The following RAB38 variants were observed in gnomAD, a reference collection of about 807,000 sequenced individuals.
RAB38 encodes RAB38, member RAS oncogene family.
Under a neutral mutation model 18.4 loss-of-function variants are expected in RAB38, and 15 were observed. The ratio of observed to expected loss-of-function variants is 0.82; its 90% CI spans 0.55 to 1.26. The LOEUF (loss-of-function observed/expected upper bound fraction) is 1.26. RAB38 is among the 50% of genes most tolerant of loss of function. RAB38 has a pLI of 0.00. For synonymous variants in RAB38, 101 were observed against 104.4 expected (o/e 0.97, Z 0.20); for missense variants, 294 against 267.4 (o/e 1.10, Z -0.69).
the RAB38 span, among the ~76,000 whole-genome samples, chr11:87,964,475 A>C: frequency 1.3e-5 from 2 of 152,136 alleles, no homozygotes; most frequent in African/African-American, 4.8e-5. Context: ...GGCCAGAACA[A>C]GTCACAGAGC....
At chr11:88,052,671 A>G in the RAB38 span, among the ~76,000 whole-genome samples, 13 of 151,812 alleles carry the variant, frequency 8.6e-5, no homozygotes, top group South Asian at 6.2e-4. Flanking sequence ...TCAATGCTAC[A>G]TTAATGACTA....
chr11:87,811,253 C>A, the RAB38 span, among the ~76,000 whole-genome samples: 1 of 152,128 alleles, frequency 6.6e-6, no homozygotes, highest in Non-Finnish European at 1.5e-5. Context: ...AGAGCACATG[C>A]CCAGGAATTT....
At chr11:87,895,264 G>C in the RAB38 span, among the ~76,000 whole-genome samples, 2 of 151,534 alleles carry the variant, frequency 1.3e-5, no homozygotes, top group African/African-American at 4.8e-5. Context: ...CAGCACAGAT[G>C]ATGGGGAAAA....
the RAB38 span, among the ~76,000 whole-genome samples, chr11:88,047,773 C>G: frequency 2.0e-5 from 3 of 152,308 alleles, no homozygotes; most frequent in African/African-American, 7.2e-5. Flanking sequence ...AAAAAAGCAG[C>G]TAGTGTTCCA....
At chr11:88,101,204 A>G in the RAB38 span, among the ~76,000 whole-genome samples, 1 of 152,026 alleles carries the variant, frequency 6.6e-6, no homozygotes, top group African/African-American at 2.4e-5. Flanking sequence ...ATTTTTAAAC[A>G]TCAATGACGG....
the RAB38 span, among the ~76,000 whole-genome samples, chr11:87,935,118 TAGA>T: frequency 6.7e-6 from 1 of 148,346 alleles, no homozygotes; most frequent in Admixed American, 6.7e-5. Flanking sequence ...AAAGCTGTTC[TAGA>T]AGATTTGGAG....
the RAB38 span, among the ~76,000 whole-genome samples, chr11:88,057,908 G>A: frequency 2.0e-5 from 3 of 152,016 alleles, no homozygotes; most frequent in African/African-American, 4.8e-5. Flanking sequence ...GGGGGTTAGG[G>A]AATTCCTTGG....
the RAB38 span, among the ~76,000 whole-genome samples, chr11:87,970,336 C>G: frequency 6.6e-6 from 1 of 152,210 alleles, no homozygotes; most frequent in South Asian, 2.1e-4. Context: ...TCACCTCCCC[C>G]CAATCTTAGC....
the RAB38 span, among the ~76,000 whole-genome samples, chr11:87,941,700 T>C: frequency 1.2e-4 from 18 of 152,136 alleles, no homozygotes; most frequent in Non-Finnish European, 4.4e-5. Context: ...AGGTATGAGA[T>C]TAACAGGGAA....
intron 2 of RAB38, among the ~76,000 whole-genome samples, chr11:88,121,630 T>C (rs1026338893): frequency 2.6e-5 from 4 of 152,074 alleles, no homozygotes; most frequent in African/African-American, 9.7e-5. Flanking sequence ...TGGCACAATC[T>C]TGGCTCACTG....
the RAB38 span, among the ~76,000 whole-genome samples, chr11:87,912,154 G>A: frequency 1.0e-2 from 1,519 of 152,054 alleles, 28 homozygotes; most frequent in African/African-American, 0.033. Context: ...ATAGTGGTCT[G>A]TAATTTTCAT....
the RAB38 span, among the ~76,000 whole-genome samples, chr11:87,928,118 G>A: frequency 0.022 from 3,365 of 151,840 alleles, 127 homozygotes; most frequent in African/African-American, 0.078. Context: ...AAGAAAGAAA[G>A]AAGGAAGAGA....
intron 2 of RAB38, among the ~76,000 whole-genome samples, chr11:88,132,966 T>C (rs1448226970): frequency 1.3e-5 from 2 of 152,238 alleles, no homozygotes; most frequent in Non-Finnish European, 2.9e-5. Context: ...AAGTACAACA[T>C]GTCTCTAACA....
chr11:88,008,835 G>A, the RAB38 span, among the ~76,000 whole-genome samples: 4 of 152,066 alleles, frequency 2.6e-5, no homozygotes, highest in Non-Finnish European at 5.9e-5. Flanking sequence ...CACCACGCCC[G>A]GCTAATTTTT....
At chr11:88,141,883 C>T (rs1942919549) in intron 2 of RAB38, among the ~76,000 whole-genome samples, 1 of 152,194 alleles carries the variant, frequency 6.6e-6, no homozygotes, top group African/African-American at 2.4e-5. Flanking sequence ...TACCTTCCTA[C>T]CCTCATACAT....
the RAB38 span, among the ~76,000 whole-genome samples, chr11:88,067,085 T>C: frequency 6.6e-6 from 1 of 152,226 alleles, no homozygotes; most frequent in Non-Finnish European, 1.5e-5. Flanking sequence ...TATTAGTATT[T>C]GTGCACAGAG....
chr11:88,090,942 T>C, the RAB38 span, among the ~76,000 whole-genome samples: 1 of 151,952 alleles, frequency 6.6e-6, no homozygotes, highest in Admixed American at 6.6e-5. Flanking sequence ...ACATGTGTCC[T>C]GCCTTAAACA....
chr11:87,910,431 G>A, the RAB38 span, among the ~76,000 whole-genome samples: 5 of 151,610 alleles, frequency 3.3e-5, no homozygotes, highest in South Asian at 4.2e-4. Flanking sequence ...TTTTAGCAGC[G>A]ACTTTTGAAG....
At chr11:88,164,109 G>T (rs1943219133) in intron 1 of RAB38, among the ~76,000 whole-genome samples, 1 of 151,940 alleles carries the variant, frequency 6.6e-6, no homozygotes, top group Admixed American at 6.6e-5. Flanking sequence ...TGAATTATTT[G>T]GCATTTGAGA....
Sources: gnomAD v4.1 joint callset for allele counts (sites outside exome capture counted in the v4.1 genomes callset) on GRCh38, gnomAD v4.1.1 for gene constraint, MANE v1.5 for transcripts, NCBI Gene and HGNC (gene_info 2026-07-23, HGNC 2026-07-21) for gene names.